Variants in PGLYRP2 observed in about 807,000 individuals in gnomAD.
PGLYRP2 encodes peptidoglycan recognition protein 2, also known as N-acetylmuramoyl-L-alanine amidase.
In PGLYRP2, 38 loss-of-function variants were observed where a neutral mutation model predicts 46.2. The observed-to-expected ratio is 0.82, with a 90% CI of 0.64 to 1.08. The LOEUF (loss-of-function observed/expected upper bound fraction) is 1.08. Ranked by LOEUF, PGLYRP2 falls within the 50% of genes least tolerant of loss-of-function variation. PGLYRP2 has a pLI of 0.00. For synonymous variants in PGLYRP2, 289 were observed against 329.4 expected (o/e 0.88, Z 1.33); for missense variants, 713 against 755.9 (o/e 0.94, Z 0.67).
intron 3 of PGLYRP2, among the ~76,000 whole-genome samples, chr19:15,471,668 CT>C (rs1970750217): frequency 6.6e-6 from 1 of 152,190 alleles, no homozygotes; most frequent in South Asian, 2.1e-4. Flanking sequence ...GTTCTCTACC[CT>C]GACTGGAGTC....
At chr19:15,471,469 A>G (rs1970748389) in intron 3 of PGLYRP2, among the ~76,000 whole-genome samples, 1 of 149,968 alleles carries the variant, frequency 6.7e-6, no homozygotes, top group African/African-American at 2.5e-5. Context: ...GTCTTCCTAT[A>G]TTGCTCAGGC....
At chr19:15,477,880 T>C (rs1403090730) in intron 1 of PGLYRP2, among the ~76,000 whole-genome samples, 1 of 152,270 alleles carries the variant, frequency 6.6e-6, no homozygotes, top group African/African-American at 2.4e-5. Context: ...TATCAAATAA[T>C]AGCTAACTTT....
chr19:15,477,321 AG>A (rs1970806049), intron 1 of PGLYRP2, among the ~76,000 whole-genome samples: 1 of 140,136 alleles, frequency 7.1e-6, no homozygotes, highest in Admixed American at 7.8e-5. Flanking sequence ...TGAACATGGG[AG>A]GTGGAGGTTG....
chr19:15,475,849 T>C lies in PGLYRP2; in HGVS notation c.821A>G (p.Asn274Ser), dbSNP rs2145519332. 19 of 1,613,972 alleles carry C rather than the reference T, an allele frequency of 1.2e-5. No individual in the cohort carries two copies. The highest frequency in any genetic ancestry group is 1.6e-5 in the Non-Finnish European group (19 of 1,179,988). Residue 274 changes from asparagine (N) to serine (S), a missense_variant, in exon 2 of 5, where the codon AAT becomes AGT. Physicochemically the swap from Asn to Ser is conservative, Grantham distance 46. Coordinates refer to ENST00000340880, the MANE Select transcript of PGLYRP2 (RefSeq NM_052890.4). Reference sequence around the variant, plus strand: ...AAGGATGACCCCATCCAGGGCGCCATTGAGGAAGGCCATGGTTAACAGAGA... The same window carrying C: ...AAGGATGACCCCATCCAGGGCGCCACTGAGGAAGGCCATGGTTAACAGAGA... ...KASLLTMAFL[N>S]GALDGVILGD... is the part of the protein sequence containing the mutation.
rs1411232081 is a variant in PGLYRP2 at position 15,476,584 on chromosome 19, G to C, written c.86C>G (p.Ser29Cys). 3.1e-6 allele frequency: 5 copies of C among 1,608,536 alleles called. No individual in the cohort carries two copies. In the South Asian group the frequency reaches 5.5e-5, roughly 18 times the overall value. The part of the protein sequence containing the change: ...GTASLPLLMD[S>C]VIQALAELEQ... ...CAGCTCAGCCAGGGCCTGGATGACA[G>C]AGTCCATGAGCAGGGGCAGGGAGGC... is the stretch of plus-strand genomic sequence containing the variant. Residue 29 changes from serine to cysteine, a missense_variant, in exon 2 of 5, where the codon TCT (serine) becomes TGT (cysteine). Coordinates refer to ENST00000340880, the MANE Select transcript of PGLYRP2 (RefSeq NM_052890.4).
intron 1 of PGLYRP2, among the ~76,000 whole-genome samples, chr19:15,477,182 C>T (rs1481990229): frequency 6.6e-6 from 1 of 151,984 alleles, no homozygotes; most frequent in Non-Finnish European, 1.5e-5. Flanking sequence ...CACCTGAGAT[C>T]AGGAGTTCAA....
chr19:15,469,268 A>C lies in PGLYRP2; in HGVS notation c.1641+364T>G. The stretch of plus-strand genomic sequence containing the variant: ...AGGTGGTGCAGCCTGACAGGTTGTG[A>C]CTTGGGTAGAGAAGTCATGAAGGCC... On this transcript the variant is annotated intron_variant, in intron 4 of 4. Transcript: ENST00000340880. The surrounding 1 kb of genome is among the most constrained non-coding windows in gnomAD (Gnocchi z 4.9). The C allele has an allele frequency of 1.7e-6, 1 of 604,610 alleles. No homozygotes were observed. Among genetic ancestry groups the C allele is most frequent in the South Asian group, 1.9e-5 (1 of 51,480 alleles). 37.5% of individuals were successfully genotyped at this position (604,610 alleles called of 1,614,324 possible). A position where few individuals can be genotyped will look rare whatever the true frequency, so the allele number is the denominator to read the frequency against.
Position 15,476,495 on chromosome 19 carries a change from T to A in PGLYRP2, c.175A>T (p.Asn59Tyr). The change falls in exon 2 of 5, where the codon AAC becomes TAC. Residue 59 changes from asparagine (N) to tyrosine (Y), a missense_variant. Coordinates refer to ENST00000340880, the MANE Select transcript of PGLYRP2 (RefSeq NM_052890.4). The stretch of plus-strand genomic sequence containing the variant: ...TAGAGGCGATTGTGGGGGCCAGAGT[T>A]TGGAGCTGACATCAGCCACGCAGAA... ...TASAWLMSAPNSGPHNRLYHF... is the reference protein window; with the variant it reads ...TASAWLMSAPYSGPHNRLYHF... 1 of 1,614,118 alleles carries A rather than the reference T, an allele frequency of 6.2e-7. No individual in the cohort carries two copies. The highest frequency in any genetic ancestry group is 8.5e-7 in the Non-Finnish European group (1 of 1,180,028).
chr19:15,479,498 G>T lies in PGLYRP2; in HGVS notation c.-127C>A. 2.1e-6 allele frequency: 2 copies of T among 934,456 alleles called. No homozygotes were observed. Among genetic ancestry groups the T allele is most frequent in the South Asian group, 1.4e-5 (1 of 69,670 alleles). The allele number at this position is 934,456 out of a possible 1,614,324, so 57.9% of individuals were successfully genotyped here. ...TTGACCACTGTCAAAGTCCAGCGGC[G>T]AATGACAGACCTGCCTCTCGTAGAG... On this transcript the variant is annotated 5_prime_UTR_variant, in exon 1 of 5. Transcript: ENST00000340880.
chr19:15,477,176 T>C (rs1243095887), intron 1 of PGLYRP2, among the ~76,000 whole-genome samples: 1 of 152,054 alleles, frequency 6.6e-6, no homozygotes, highest in Non-Finnish European at 1.5e-5. Context: ...GTGGATCACC[T>C]GAGATCAGGA....
rs1369332099 is a variant in PGLYRP2, at chr19:15,475,898, A to T, written c.772T>A (p.Phe258Ile). 1.2e-6 allele frequency: 2 copies of T among 1,613,980 alleles called. No individual in the cohort carries two copies. The highest frequency in any genetic ancestry group is 1.7e-6 in the Non-Finnish European group (2 of 1,180,006). Reference protein sequence around the residue: ...CWDQLSAPRTFTLLDPKASLL... With the variant: ...CWDQLSAPRTITLLDPKASLL... ...GATGCCTTGGGGTCCAAAAGCGTAA[A>T]GGTCCGAGGGGCAGAGAGCTGGTCC... The change falls in exon 2 of 5, where the codon TTT (phenylalanine) becomes ATT (isoleucine). Residue 258 changes from phenylalanine to isoleucine, a missense_variant. By Grantham distance (21) the Phe-to-Ile change is conservative (BLOSUM62 0). Transcript: ENST00000340880.
At chr19:15,470,786 A>C (rs1423057216) in intron 3 of PGLYRP2, among the ~76,000 whole-genome samples, 1 of 151,296 alleles carries the variant, frequency 6.6e-6, no homozygotes, top group Non-Finnish European at 1.5e-5. Flanking sequence ...CTGGGATTAC[A>C]GGCATGCACC....
intron 1 of PGLYRP2, 127 bp downstream of exon 1, chr19:15,479,184 T>A: frequency 1.0e-6 from 1 of 961,524 alleles, no homozygotes. Flanking sequence ...TATGTCCCCA[T>A]GCTGGAGCTT....
Position 15,479,247 on chromosome 19 carries a change from G to A in PGLYRP2, c.61+64C>T, listed in dbSNP as rs114069253. 680 of 1,545,150 alleles carry A rather than the reference G, an allele frequency of 4.4e-4. 3 individuals are homozygous for A. In the African/African-American group the frequency reaches 8.4e-3, roughly 19 times the overall value. ...CTCCATGCAGGGCAAGACATAGATG[G>A]GACAGCAGTACGCCTTCTGCAGAGC... On this transcript the variant is annotated intron_variant, in intron 1 of 4. Coordinates refer to ENST00000340880, the MANE Select transcript of PGLYRP2 (RefSeq NM_052890.4).
At position 15,476,432 on chromosome 19, in the gene PGLYRP2, CTG is replaced by C. The variant is rs755205930; in HGVS notation, c.236_237del (p.Thr79ArgfsTer22). 29 of 1,613,998 alleles carry C rather than the reference CTG, an allele frequency of 1.8e-5. No individual in the cohort carries two copies. The East Asian group carries it at 6.5e-4, about 36-fold the overall frequency. Reference sequence around the variant, plus strand: ...GGGCTTAGTGGGCAGGGATCCAACTCTGTAGCATTGAGGCTCCATGCCCCCAG... The same window carrying C: ...GGGCTTAGTGGGCAGGGATCCAACTCTAGCATTGAGGCTCCATGCCCCCAG... ...FLLGAWSLNA[T>X]ELDPCPLSPE... On this transcript the variant is annotated frameshift_variant, in exon 2 of 5. Transcript: ENST00000340880. LOFTEE classifies it high-confidence loss of function.
Position 15,476,616 on chromosome 19 carries a change from A to T in PGLYRP2, c.62-8T>A, listed in dbSNP as rs781483710. 3.2e-6 allele frequency: 5 copies of T among 1,574,934 alleles called. No individual in the cohort carries two copies. The South Asian group carries it at 5.9e-5, about 18-fold the overall frequency. Reference sequence around the variant, plus strand: ...TGAGCAGGGGCAGGGAGGCTGCAGGAGGAAAGAATGTGTTAGCCCAGCCCC... The same window carrying T: ...TGAGCAGGGGCAGGGAGGCTGCAGGTGGAAAGAATGTGTTAGCCCAGCCCC... On this transcript the variant is annotated splice_region_variant and splice_polypyrimidine_tract_variant and intron_variant, in intron 1 of 4. Coordinates refer to ENST00000340880, the MANE Select transcript of PGLYRP2 (RefSeq NM_052890.4).
chr19:15,475,580 C>G lies in PGLYRP2; in HGVS notation c.1090G>C (p.Val364Leu). The G allele has an allele frequency of 6.2e-7, 1 of 1,611,850 alleles. No homozygotes were observed. The highest frequency in any genetic ancestry group is 8.5e-7 in the Non-Finnish European group (1 of 1,178,522). ...AATTCCTTGGTAGCATTGGCAGCCACCTGGGCCAGCTGTTCTTGGCTCATG... is the reference window on the plus strand; with the variant it reads ...AATTCCTTGGTAGCATTGGCAGCCAGCTGGGCCAGCTGTTCTTGGCTCATG... ...QCMSQEQLAQ[V>L]AANATKEFTE... Residue 364 changes from valine to leucine, a missense_variant, in exon 2 of 5, where the codon GTG becomes CTG. Transcript: ENST00000340880.
At position 15,475,549 on chromosome 19, in the gene PGLYRP2, T is replaced by G; in HGVS notation, c.1121A>C (p.Glu374Ala). ...GGGAACTTCCTCACCCAGGAAGGCCTCAGTGAATTCCTTGGTAGCATTGGC... is the reference window on the plus strand; with the variant it reads ...GGGAACTTCCTCACCCAGGAAGGCCGCAGTGAATTCCTTGGTAGCATTGGC... ...VAANATKEFTEAFLGCPAIHP... is the reference protein window; with the variant it reads ...VAANATKEFTAAFLGCPAIHP... Residue 374 changes from glutamate (E) to alanine (A), a missense_variant, in exon 2 of 5, where the codon GAG becomes GCG. By Grantham distance (107) the Glu-to-Ala change is moderately radical (BLOSUM62 -1). Transcript: ENST00000340880. 1 of 1,598,868 alleles carries G rather than the reference T, an allele frequency of 6.3e-7. No individual in the cohort carries two copies. Among genetic ancestry groups the G allele is most frequent in the South Asian group, 1.1e-5 (1 of 89,492 alleles).
chr19:15,475,862 T>G lies in PGLYRP2; in HGVS notation c.808A>C (p.Met270Leu). ...LLDPKASLLT[M>L]AFLNGALDGV... ...TCCAGGGCGCCATTGAGGAAGGCCA[T>G]GGTTAACAGAGATGCCTTGGGGTCC... The change falls in exon 2 of 5, where the codon ATG becomes CTG. Residue 270 changes from methionine to leucine, a missense_variant. Physicochemically the swap from Met to Leu is conservative, Grantham distance 15. Coordinates refer to ENST00000340880, the MANE Select transcript of PGLYRP2 (RefSeq NM_052890.4). 6.2e-7 allele frequency: 1 copy of G among 1,613,958 alleles called. No individual in the cohort carries two copies. The highest frequency in any genetic ancestry group is 8.5e-7 in the Non-Finnish European group (1 of 1,179,986).
Sources: gnomAD v4.1 joint callset for allele counts (sites outside exome capture counted in the v4.1 genomes callset) on GRCh38, gnomAD v4.1.1 for gene constraint, Gnocchi (gnomAD v3.1) non-coding constraint, MANE v1.5 for transcripts, NCBI Gene and HGNC (gene_info 2026-07-23, HGNC 2026-07-21) for gene names.